The following DHX34 variants were observed in gnomAD, a reference collection of about 807,000 sequenced individuals.
DHX34 encodes probable ATP-dependent RNA helicase DHX34.
DHX34 carries 96 observed loss-of-function variants against 111.1 expected under a neutral mutation model. The ratio of observed to expected loss-of-function variants is 0.86; its 90% CI spans 0.73 to 1.02. DHX34 has a LOEUF of 1.02. DHX34 is among the 50% of genes least tolerant of loss of function. The pLI, the probability that DHX34 is intolerant of heterozygous loss-of-function variation, is 0.00. For synonymous variants in DHX34, 688 were observed against 670.4 expected, an observed-to-expected ratio of 1.03 and a Z score of -0.41; for missense variants, 1,560 against 1,579.9, an observed-to-expected ratio of 0.99 and a Z score of 0.21.
chr19:47,350,606 G>A (rs907741940), intron 1 of DHX34, among the ~76,000 whole-genome samples: 6 of 151,918 alleles, frequency 3.9e-5, no homozygotes, highest in African/African-American at 1.5e-4. Context: ...TTTTAGTAGA[G>A]ACGGGATTTT....
chr19:47,357,343 CA>C (rs1253361615), intron 3 of DHX34, among the ~76,000 whole-genome samples: 1 of 152,190 alleles, frequency 6.6e-6, no homozygotes, highest in Non-Finnish European at 1.5e-5. Context: ...TTAGAAAAGT[CA>C]AACATTGCCA....
rs2064910515 is a variant in DHX34 at position 47,380,985 on chromosome 19, G to A, written c.3152G>A (p.Cys1051Tyr). The change falls in exon 15 of 17, where the codon TGC (cysteine) becomes TAC (tyrosine). Residue 1051 changes from cysteine to tyrosine, a missense_variant. Coordinates refer to ENST00000328771, the MANE Select transcript of DHX34 (RefSeq NM_014681.6). ...GTCACTGACTTCCTCACCTACAACTGCCTCACGGTAAGCATGAACCCTCCT... is the reference window on the plus strand; with the variant it reads ...GTCACTGACTTCCTCACCTACAACTACCTCACGGTAAGCATGAACCCTCCT... ...YAVTDFLTYN[C>Y]LTNDTDLYSD... 6.3e-7 allele frequency: 1 copy of A among 1,576,034 alleles called. No individual in the cohort carries two copies. The highest frequency in any genetic ancestry group is 1.9e-5 in the Admixed American group (1 of 53,482).
intron 14 of DHX34, 39 bp from the exon 15 acceptor site, chr19:47,380,777 G>A (rs761413053): frequency 6.2e-7 from 1 of 1,611,840 alleles, no homozygotes; most frequent in South Asian, 1.1e-5. Flanking sequence ...GCATCTCCCT[G>A]AGTCTGTCTC....
At chr19:47,351,171 CTTTTTTTT>C (rs955543104) in intron 1 of DHX34, among the ~76,000 whole-genome samples, 17 of 93,102 alleles carry the variant, frequency 1.8e-4, no homozygotes, top group Non-Finnish European at 2.2e-4. Flanking sequence ...TTTTCTTTTT[CTTTTTTTT>C]TTTTTTTTTT....
At chr19:47,373,477 C>A in intron 8 of DHX34, 122 bp from the exon 9 acceptor site, 1 of 1,463,122 alleles carries the variant, frequency 6.8e-7, no homozygotes, top group Non-Finnish European at 9.0e-7. Flanking sequence ...GGGCTGAGAC[C>A]TGGAAGCAGG....
chr19:47,377,466 G>GC (rs1205993434), intron 13 of DHX34, among the ~76,000 whole-genome samples: 1 of 152,228 alleles, frequency 6.6e-6, no homozygotes, highest in Non-Finnish European at 1.5e-5. Flanking sequence ...ATGAAGCCCA[G>GC]CCCCTGCCCT....
chr19:47,353,658 A>C lies in DHX34; in HGVS notation c.628A>C (p.Thr210Pro), dbSNP rs1243483161. 1 of 1,612,886 alleles carries C rather than the reference A, an allele frequency of 6.2e-7. No homozygotes were observed. The highest frequency in any genetic ancestry group is 1.3e-5 in the African/African-American group (1 of 75,050). The change falls in exon 2 of 17, where the codon ACC (threonine) becomes CCC (proline). Residue 210 changes from threonine (T) to proline (P), a missense_variant. Transcript: ENST00000328771. The surrounding 1 kb of genome is among the most constrained non-coding windows in gnomAD (Gnocchi z 4.6). ...TGCTGGCTTCAGTCATGTGGCGTGC[A>C]CCCAGCCCCGGCGGATCGCCTGCAT... The part of the protein sequence containing the change: ...LAAGFSHVAC[T>P]QPRRIACISL...
At chr19:47,375,078 C>T (rs1487277376) in intron 9 of DHX34, among the ~76,000 whole-genome samples, 1 of 152,210 alleles carries the variant, frequency 6.6e-6, no homozygotes, top group Non-Finnish European at 1.5e-5. Flanking sequence ...AGGCCCAGGA[C>T]TTGGCATTCC....
chr19:47,374,735 C>T (rs1302239638), intron 9 of DHX34, among the ~76,000 whole-genome samples: 1 of 152,104 alleles, frequency 6.6e-6, no homozygotes, highest in African/African-American at 2.4e-5. Flanking sequence ...AGCATGGGTC[C>T]CGAGTTCTCT....
At chr19:47,365,332 A>G (rs929773658) in intron 6 of DHX34, among the ~76,000 whole-genome samples, 9 of 151,410 alleles carry the variant, frequency 5.9e-5, no homozygotes, top group African/African-American at 1.7e-4. Flanking sequence ...GCTCACTGCA[A>G]CCTCCACCTC....
chr19:47,353,122 A>C lies in DHX34; in HGVS notation c.92A>C (p.Asn31Thr), dbSNP rs1224850637. 2 of 1,614,102 alleles carry C rather than the reference A, an allele frequency of 1.2e-6. No individual in the cohort carries two copies. The highest frequency in any genetic ancestry group is 8.5e-7 in the Non-Finnish European group (1 of 1,180,020). Residue 31 changes from asparagine to threonine, a missense_variant, in exon 2 of 17, where the codon AAT becomes ACT. Transcript: ENST00000328771. This position sits in a 1 kb window ranked among gnomAD's most constrained non-coding sequence, Gnocchi z 4.6. ...EEEALEKWDW[N>T]CPETRRLLED... ...GAGGCCTTGGAGAAATGGGACTGGAATTGTCCAGAGACGCGTCGCCTCTTG... is the reference window on the plus strand; with the variant it reads ...GAGGCCTTGGAGAAATGGGACTGGACTTGTCCAGAGACGCGTCGCCTCTTG...
chr19:47,350,524 C>T (rs1303225309), intron 1 of DHX34, among the ~76,000 whole-genome samples: 2 of 151,262 alleles, frequency 1.3e-5, no homozygotes, highest in Admixed American at 6.6e-5. Context: ...TGGGTTCAAG[C>T]GAGTCTCCTG....
chr19:47,379,405 G>A (rs182592095), intron 13 of DHX34, among the ~76,000 whole-genome samples: 113 of 152,274 alleles, frequency 7.4e-4, no homozygotes, highest in African/African-American at 2.5e-3. Flanking sequence ...CCTGCACGTC[G>A]TGTGTGTCTG....
In DHX34 at chr19:47,381,220, C is replaced by A; in HGVS notation, c.3194C>A (p.Thr1065Asn). 6.2e-7 allele frequency: 1 copy of A among 1,614,112 alleles called. No homozygotes were observed. Among genetic ancestry groups the A allele is most frequent in the Non-Finnish European group, 8.5e-7 (1 of 1,179,966 alleles). ...GACCTGTACAGCGACTGTCTCCGAA[C>A]CTTCTGGACCTGCCCCCACTGTGGC... ...DTDLYSDCLR[T>N]FWTCPHCGLH... The change falls in exon 16 of 17, where the codon ACC (threonine) becomes AAC (asparagine). Residue 1065 changes from threonine (T) to asparagine (N), a missense_variant. Physicochemically the swap from Thr to Asn is moderately conservative, Grantham distance 65. Coordinates refer to ENST00000328771, the MANE Select transcript of DHX34 (RefSeq NM_014681.6).
chr19:47,358,137 G>A lies in DHX34; in HGVS notation c.1272+17G>A, dbSNP rs1969516918. 2 of 1,597,112 alleles carry A rather than the reference G, an allele frequency of 1.3e-6. No individual in the cohort carries two copies. Among genetic ancestry groups the A allele is most frequent in the Non-Finnish European group, 8.6e-7 (1 of 1,167,122 alleles). On this transcript the variant is annotated intron_variant, in intron 4 of 16. Transcript: ENST00000328771. ...CAGGACAAGGTATCACAGGAAGCCC[G>A]AGTGGGGCAGGCGGGGGGTCTGCAT...
Position 47,358,055 on chromosome 19 carries a change from A to G in DHX34, c.1207A>G (p.Ser403Gly), listed in dbSNP as rs1344188307. The G allele has an allele frequency of 5.6e-6, 9 of 1,613,286 alleles. No homozygotes were observed. Among genetic ancestry groups the G allele is most frequent in the Non-Finnish European group, 7.6e-6 (9 of 1,179,944 alleles). The change falls in exon 4 of 17, where the codon AGC (serine) becomes GGC (glycine). Residue 403 changes from serine (S) to glycine (G), a missense_variant. By Grantham distance (56) the Ser-to-Gly change is moderately conservative. Coordinates refer to ENST00000328771, the MANE Select transcript of DHX34 (RefSeq NM_014681.6). ...GCTGGAGGCTGCCCAGACCTATGCC[A>G]GCCACACCCAGCGCTGGGTGGTACT... ...AVLEAAQTYA[S>G]HTQRWVVLPL... is the part of the protein sequence containing the mutation.
In DHX34 at chr19:47,375,564, G is replaced by C. The variant is rs766006296; in HGVS notation, c.2163G>C (p.Leu721=). Residue 721 remains leucine, a synonymous_variant, in exon 10 of 17, where the codon CTG becomes CTC. Coordinates refer to ENST00000328771, the MANE Select transcript of DHX34 (RefSeq NM_014681.6). ...RLQQRRERRA[L]HQLKRQHEEG... is the part of the protein sequence containing the mutation. ...AGCAGCGCCGGGAGCGCCGGGCCCTGCACCAGCTGAAACGCCAGCACGAGG... is the reference window on the plus strand; with the variant it reads ...AGCAGCGCCGGGAGCGCCGGGCCCTCCACCAGCTGAAACGCCAGCACGAGG... The C allele has an allele frequency of 6.5e-7, 1 of 1,548,516 alleles. No homozygotes were observed.
Position 47,352,951 on chromosome 19 carries a change from T to TA in DHX34, c.-77dup, listed in dbSNP as rs1969330156. The stretch of plus-strand genomic sequence containing the variant: ...TTCTCTATTGCAGGCACTGGCCTCT[T>TA]AAATTGTTGCAGGTGGGGAATGGAT... On this transcript the variant is annotated 5_prime_UTR_variant, in exon 2 of 17. Transcript: ENST00000328771. 1.5e-5 allele frequency: 22 copies of TA among 1,501,660 alleles called. No homozygotes were observed. In the South Asian group the frequency reaches 2.8e-4, roughly 19 times the overall value. The allele number at this position is 1,501,660 out of a possible 1,614,324, so 93.0% of individuals were successfully genotyped here.
intron 8 of DHX34, 142 bp downstream of exon 8, chr19:47,373,065 G>A: frequency 8.8e-7 from 1 of 1,139,690 alleles, no homozygotes; most frequent in Non-Finnish European, 1.2e-6. Context: ...CCTGCCTGGG[G>A]AGGGCCATGT....
Sources: allele counts gnomAD v4.1 joint callset (sites outside exome capture counted in the v4.1 genomes callset), GRCh38; gene constraint gnomAD v4.1.1; non-coding constraint Gnocchi (gnomAD v3.1); transcripts MANE v1.5; gene names NCBI Gene and HGNC (gene_info 2026-07-23, HGNC 2026-07-21).